Variants in ANKFN1 observed in about 807,000 individuals in gnomAD.
ANKFN1 encodes ankyrin repeat and fibronectin type III domain containing 1.
A neutral mutation model predicts 108.7 loss-of-function variants in ANKFN1; 74 were observed. The observed-to-expected ratio is 0.68, with a 90% CI of 0.56 to 0.83. The LOEUF (loss-of-function observed/expected upper bound fraction) is 0.83, where lower values mean the gene tolerates loss of function less well. Among genes scored for constraint, ANKFN1 ranks in the 40% least tolerant of loss-of-function variants. The pLI is 0.00. For missense variants in ANKFN1, 1,505 were observed against 1,382.3 expected (o/e 1.09, Z -1.41); for synonymous variants, 547 against 516.2 (o/e 1.06, Z -0.81).
intron 20 of ANKFN1, among the ~76,000 whole-genome samples, chr17:56,506,932 CTG>C (rs2051589831): frequency 6.6e-6 from 1 of 152,128 alleles, no homozygotes; most frequent in Non-Finnish European, 1.5e-5. Context: ...ATGAGAATTG[CTG>C]TAAGTGTTAA....
At chr17:56,394,257 T>C (rs1490786029) in intron 8 of ANKFN1, among the ~76,000 whole-genome samples, 5 of 152,178 alleles carry the variant, frequency 3.3e-5, no homozygotes, top group South Asian at 2.1e-4. Context: ...AGTTTCATCT[T>C]ACACTATGGT....
chr17:56,131,768 GTAACCCC>G (rs1907297159), intron 4 of ANKFN1, among the ~76,000 whole-genome samples: 2 of 152,272 alleles, frequency 1.3e-5, no homozygotes, highest in East Asian at 3.9e-4. Context: ...GCTCATTCCT[GTAACCCC>G]AGCATTTTGG....
At chr17:56,462,165 A>G (rs1598651436) in intron 14 of ANKFN1, 1 of 152,316 alleles carries the variant, frequency 6.6e-6, no homozygotes, top group Non-Finnish European at 1.5e-5. Flanking sequence ...TACTGAAGGC[A>G]CCTTTTGTTG....
At chr17:56,274,039 C>T (rs994481488) in intron 3 of ANKFN1, among the ~76,000 whole-genome samples, 3 of 152,184 alleles carry the variant, frequency 2.0e-5, no homozygotes, top group Non-Finnish European at 2.9e-5. Flanking sequence ...TGACTCTTAG[C>T]ATGTCACATT....
intron 3 of ANKFN1, among the ~76,000 whole-genome samples, chr17:56,324,665 A>G (rs563421290): frequency 5.8e-4 from 88 of 152,354 alleles, no homozygotes; most frequent in African/African-American, 2.0e-3. Flanking sequence ...TTAATCCTTG[A>G]TGAAAAACAT....
At chr17:56,352,992 ACT>A (rs2046283885) in intron 5 of ANKFN1, among the ~76,000 whole-genome samples, 10 of 151,996 alleles carry the variant, frequency 6.6e-5, no homozygotes, top group Admixed American at 6.6e-4. Flanking sequence ...GAGAAAGTGT[ACT>A]CTCAATTCCA....
At chr17:56,054,352 A>G (rs1035679510) in intron 4 of ANKFN1, among the ~76,000 whole-genome samples, 2 of 152,156 alleles carry the variant, frequency 1.3e-5, no homozygotes, top group African/African-American at 2.4e-5. Flanking sequence ...CAAGAAACTC[A>G]CTCAGGTTTT....
chr17:56,341,899 C>T (rs940697993), intron 4 of ANKFN1, among the ~76,000 whole-genome samples: 5 of 151,948 alleles, frequency 3.3e-5, no homozygotes, highest in African/African-American at 7.3e-5. Flanking sequence ...TTTCTTTGTA[C>T]ATCTGGTAGA....
intron 4 of ANKFN1, among the ~76,000 whole-genome samples, chr17:56,115,100 G>A (rs566625921): frequency 6.6e-6 from 1 of 152,286 alleles, no homozygotes; most frequent in African/African-American, 2.4e-5. Context: ...TAAGTTTGTG[G>A]TAATTTATTA....
chr17:56,290,522 A>G (rs1263438667), intron 3 of ANKFN1, among the ~76,000 whole-genome samples: 1 of 152,096 alleles, frequency 6.6e-6, no homozygotes, highest in Non-Finnish European at 1.5e-5. Context: ...CCTTCTCTTA[A>G]CATTCTGAAT....
chr17:56,439,198 G>T (rs1490096484), intron 8 of ANKFN1, among the ~76,000 whole-genome samples: 1 of 152,184 alleles, frequency 6.6e-6, no homozygotes, highest in African/African-American at 2.4e-5. Context: ...TGTGTGACTC[G>T]AGGGGCGCAG....
At chr17:56,493,128 C>T (rs1052703558) in intron 19 of ANKFN1, among the ~76,000 whole-genome samples, 5 of 152,042 alleles carry the variant, frequency 3.3e-5, no homozygotes, top group African/African-American at 1.2e-4. Flanking sequence ...ACACTGTGTG[C>T]GAGACATAAA....
intron 19 of ANKFN1, among the ~76,000 whole-genome samples, chr17:56,495,000 C>T (rs1471640448): frequency 4.6e-5 from 7 of 152,088 alleles, no homozygotes. Context: ...TCTTTTATGT[C>T]ACACCATTAA....
At chr17:56,265,309 G>T (rs185306964) in intron 3 of ANKFN1, among the ~76,000 whole-genome samples, 26 of 152,232 alleles carry the variant, frequency 1.7e-4, no homozygotes, top group Admixed American at 4.6e-4. Flanking sequence ...AAGGCAAAGG[G>T]GAAGCAAGCA....
At chr17:56,166,787 T>G (rs532752388) in intron 1 of ANKFN1, among the ~76,000 whole-genome samples, 18 of 152,330 alleles carry the variant, frequency 1.2e-4, no homozygotes, top group African/African-American at 3.8e-4. Context: ...TTATAACATT[T>G]ATTGATGACA....
intron 3 of ANKFN1, among the ~76,000 whole-genome samples, chr17:56,313,853 A>G (rs2045117269): frequency 6.6e-6 from 1 of 152,114 alleles, no homozygotes; most frequent in African/African-American, 2.4e-5. Context: ...ATACCCCCTA[A>G]CCAACACCTA....
intron 3 of ANKFN1, among the ~76,000 whole-genome samples, chr17:56,260,687 A>T (rs1168998736): frequency 7.2e-5 from 11 of 152,220 alleles, no homozygotes; most frequent in African/African-American, 2.4e-4. Context: ...TGTTCAAAAA[A>T]AATAGTTTGA....
At chr17:56,408,154 T>C (rs1002083046) in intron 8 of ANKFN1, among the ~76,000 whole-genome samples, 1 of 152,010 alleles carries the variant, frequency 6.6e-6, no homozygotes, top group Middle Eastern at 3.2e-3. Flanking sequence ...AGGTTGGTCT[T>C]GAATTCCCAA....
At chr17:56,475,432 G>A (rs1295471767) in intron 15 of ANKFN1, among the ~76,000 whole-genome samples, 1 of 152,094 alleles carries the variant, frequency 6.6e-6, no homozygotes, top group Non-Finnish European at 1.5e-5. Flanking sequence ...GCTAGATGTT[G>A]CAGATGGTTA....
Sources: allele counts gnomAD v4.1 joint callset (sites outside exome capture counted in the v4.1 genomes callset), GRCh38; gene constraint gnomAD v4.1.1; transcripts MANE v1.5; gene names NCBI Gene and HGNC (gene_info 2026-07-23, HGNC 2026-07-21).